LRP5: variants seen among roughly 807,000 people sequenced by gnomAD.
The protein encoded by LRP5 is LDL receptor related protein 5, also known as low-density lipoprotein receptor-related protein 5.
Under a neutral mutation model 154.1 loss-of-function variants are expected in LRP5, and 62 were observed. That is an observed-to-expected ratio of 0.40 (90% CI 0.33 to 0.50). The LOEUF (loss-of-function observed/expected upper bound fraction) is 0.50, where lower values mean the gene tolerates loss of function less well. LRP5 is among the 20% of genes least tolerant of loss of function. LRP5 has a pLI of 0.55. For missense variants in LRP5, 1,915 were observed against 2,336.7 expected (o/e 0.82, Z 3.72); for synonymous variants, 966 against 1,011.5 (o/e 0.96, Z 0.85).
At chr11:68,306,569 T>C in the LRP5 span, among the ~76,000 whole-genome samples, 9 of 152,242 alleles carry the variant, frequency 5.9e-5, no homozygotes, top group Admixed American at 5.9e-4. Context: ...TGGTTAACAT[T>C]CACAGGTCCC....
chr11:68,318,209 C>G lies in LRP5; in HGVS notation c.91+5404C>G, dbSNP rs180755102. Reference sequence around the variant, plus strand: ...AGCTGGAACTACAGGCACCCGCCACCACGCCCGGCTAATTTTTTGCATTTT... The same window carrying G: ...AGCTGGAACTACAGGCACCCGCCACGACGCCCGGCTAATTTTTTGCATTTT... On this transcript the variant is annotated intron_variant, in intron 1 of 22. Transcript: ENST00000294304. 1.3e-3 allele frequency among the ~76,000 whole-genome samples: 191 copies of G among 152,068 alleles called. No individual in the cohort carries two copies. In the East Asian group the frequency reaches 0.034, roughly 27 times the overall value.
Position 68,446,105 on chromosome 11 carries a change from G to C in LRP5, c.4489-331G>C, listed in dbSNP as rs563006921. On this transcript the variant is annotated intron_variant, in intron 21 of 22. Transcript: ENST00000294304. The stretch of plus-strand genomic sequence containing the variant: ...AGGGCCTGTGGGGACATCTCCTACT[G>C]CTGGGGGCCAGCCACAAAGGGAACT... Among the ~76,000 whole-genome samples, 15 of 152,340 alleles carry C rather than the reference G, an allele frequency of 9.8e-5. 1 individual carries two copies. The highest frequency in any genetic ancestry group is 8.5e-4 in the Admixed American group (13 of 15,306).
chr11:68,321,306 A>C (rs1170438387), intron 1 of LRP5, among the ~76,000 whole-genome samples: 3 of 152,150 alleles, frequency 2.0e-5, no homozygotes, highest in Admixed American at 1.3e-4. Flanking sequence ...AACATATTTT[A>C]AGATCAGTTA....
intron 1 of LRP5, among the ~76,000 whole-genome samples, chr11:68,314,542 C>T (rs748766310): frequency 6.6e-5 from 10 of 152,186 alleles, no homozygotes; most frequent in Admixed American, 2.0e-4. Flanking sequence ...GTAAGTGGGC[C>T]GCTAATTATT....
intron 1 of LRP5, among the ~76,000 whole-genome samples, chr11:68,339,267 C>T (rs2098607473): frequency 6.6e-6 from 1 of 152,090 alleles, no homozygotes; most frequent in South Asian, 2.1e-4. Flanking sequence ...CCTCCACCTC[C>T]CGGGTTCAAG....
chr11:68,387,391 A>G (rs1260877807), intron 6 of LRP5, among the ~76,000 whole-genome samples: 1 of 151,950 alleles, frequency 6.6e-6, no homozygotes, highest in East Asian at 1.9e-4. Flanking sequence ...CTGGGATTAC[A>G]GGCATGAGCC....
chr11:68,436,570 G>T (rs1165197782), intron 18 of LRP5, among the ~76,000 whole-genome samples: 1 of 151,026 alleles, frequency 6.6e-6, no homozygotes, highest in Non-Finnish European at 1.5e-5. Flanking sequence ...CACCAACCTG[G>T]TAGAGCCTTG....
chr11:68,316,890 C>T (rs573725665), intron 1 of LRP5, among the ~76,000 whole-genome samples: 8 of 152,332 alleles, frequency 5.3e-5, no homozygotes, highest in African/African-American at 1.9e-4. Context: ...TTACAGAAGC[C>T]GTGAGACAGC....
intron 1 of LRP5, among the ~76,000 whole-genome samples, chr11:68,341,059 C>CCTTTTTTTTT (rs1555071026): frequency 6.0e-5 from 5 of 83,494 alleles, no homozygotes; most frequent in African/African-American, 1.9e-4. Context: ...GGAGATTGTT[C>CCTTTTTTTTT]TTTTTTTTTT....
At chr11:68,345,190 T>C (rs1271015136) in intron 1 of LRP5, among the ~76,000 whole-genome samples, 2 of 151,466 alleles carry the variant, frequency 1.3e-5, no homozygotes, top group Admixed American at 6.6e-5. Flanking sequence ...TGAGACTGAA[T>C]AGTACTCCAT....
intron 5 of LRP5, among the ~76,000 whole-genome samples, chr11:68,368,265 C>T (rs1279022615): frequency 6.6e-6 from 1 of 152,178 alleles, no homozygotes; most frequent in African/African-American, 2.4e-5. Flanking sequence ...GGACATAGGA[C>T]AGACCTGGAT....
At chr11:68,417,965 G>A (rs1296468255) in intron 13 of LRP5, among the ~76,000 whole-genome samples, 2 of 152,076 alleles carry the variant, frequency 1.3e-5, no homozygotes, top group African/African-American at 2.4e-5. Context: ...AACAAGTGCT[G>A]TAGCGGAAGT....
intron 10 of LRP5, among the ~76,000 whole-genome samples, chr11:68,410,744 G>A (rs1480378332): frequency 7.2e-5 from 11 of 152,172 alleles, no homozygotes; most frequent in South Asian, 2.1e-4. Flanking sequence ...TGTGTGGGGC[G>A]TCTTTCTGGA....
At position 68,443,320 on chromosome 11, in the gene LRP5, T is replaced by A. The variant is rs192547349; in HGVS notation, c.4489-3116T>A. Reference sequence around the variant, plus strand: ...GAGTTTGAGACCAGCCTGGCCAACATGGAGAAACCCCGTCTCTAGTAAAAA... The same window carrying A: ...GAGTTTGAGACCAGCCTGGCCAACAAGGAGAAACCCCGTCTCTAGTAAAAA... On this transcript the variant is annotated intron_variant, in intron 21 of 22. Coordinates refer to ENST00000294304, the MANE Select transcript of LRP5 (RefSeq NM_002335.4). Among the ~76,000 whole-genome samples the A allele has an allele frequency of 9.6e-3, 1,448 of 150,648 alleles. 26 individuals carry two copies. The highest frequency in any genetic ancestry group is 0.032 in the African/African-American group (1,328 of 40,956).
chr11:68,303,352 T>C, the LRP5 span, among the ~76,000 whole-genome samples: 4 of 152,270 alleles, frequency 2.6e-5, no homozygotes, highest in South Asian at 2.1e-4. Context: ...GAGGAACTTA[T>C]TGGGAACTGG....
chr11:68,301,460 G>A, the LRP5 span, among the ~76,000 whole-genome samples: 1 of 148,102 alleles, frequency 6.8e-6, no homozygotes, highest in East Asian at 2.0e-4. Context: ...GGGCAACAGA[G>A]CAAGACCCTG....
chr11:68,363,018 C>T (rs1213716467), intron 3 of LRP5, among the ~76,000 whole-genome samples: 1 of 152,250 alleles, frequency 6.6e-6, no homozygotes, highest in Non-Finnish European at 1.5e-5. Flanking sequence ...CACCCGAGTC[C>T]TCATTTGCTG....
At chr11:68,308,142 G>C (rs1051005194), upstream of LRP5, among the ~76,000 whole-genome samples, 3 of 152,240 alleles carry the variant, frequency 2.0e-5, no homozygotes, top group Non-Finnish European at 2.9e-5. Flanking sequence ...TGAGGAATGA[G>C]CCTGGCAGTG....
At chr11:68,347,286 G>T (rs2098613867) in intron 1 of LRP5, among the ~76,000 whole-genome samples, 1 of 152,238 alleles carries the variant, frequency 6.6e-6, no homozygotes, top group Admixed American at 6.5e-5. Context: ...TGGATGGGAA[G>T]CTGATGCCAC....
Sources: gnomAD v4.1 joint callset for allele counts (sites outside exome capture counted in the v4.1 genomes callset) on GRCh38, gnomAD v4.1.1 for gene constraint, MANE v1.5 for transcripts, NCBI Gene and HGNC (gene_info 2026-07-23, HGNC 2026-07-21) for gene names.